Variants in SYNPO2 observed in about 807,000 individuals in gnomAD.
The protein encoded by SYNPO2 is synaptopodin 2.
Under a neutral mutation model 85.0 loss-of-function variants are expected in SYNPO2, and 56 were observed. That is an observed-to-expected ratio of 0.66 (90% CI 0.53 to 0.82). The LOEUF (loss-of-function observed/expected upper bound fraction) is 0.82, where lower values mean the gene tolerates loss of function less well. SYNPO2 is among the 40% of genes least tolerant of loss of function. The pLI, the probability that SYNPO2 is intolerant of heterozygous loss-of-function variation, is 0.00. For synonymous variants in SYNPO2, 602 were observed against 591.1 expected, an observed-to-expected ratio of 1.02 and a Z score of -0.27; for missense variants, 1,575 against 1,534.2, an observed-to-expected ratio of 1.03 and a Z score of -0.44.
chr4:119,049,709 A>T (rs1738976243), intron 4 of SYNPO2, among the ~76,000 whole-genome samples: 1 of 152,210 alleles, frequency 6.6e-6, no homozygotes, highest in Non-Finnish European at 1.5e-5. Flanking sequence ...AAGCTAACTA[A>T]GCTGTTTTAT....
At chr4:118,927,256 TA>T (rs1173949271) in intron 1 of SYNPO2, among the ~76,000 whole-genome samples, 3 of 152,256 alleles carry the variant, frequency 2.0e-5, no homozygotes, top group Non-Finnish European at 4.4e-5. Context: ...TTTTCTGCAT[TA>T]AAAAAATCCA....
At chr4:118,897,267 A>C (rs926673068) in intron 1 of SYNPO2, among the ~76,000 whole-genome samples, 3 of 152,140 alleles carry the variant, frequency 2.0e-5, no homozygotes, top group African/African-American at 7.2e-5. Context: ...TGAGAACAGC[A>C]TGGGGGAAAC....
chr4:119,004,297 A>G (rs1459210581), intron 1 of SYNPO2, among the ~76,000 whole-genome samples: 1 of 152,000 alleles, frequency 6.6e-6, no homozygotes, highest in African/African-American at 2.4e-5. Flanking sequence ...ACATATGTAT[A>G]CATGTGCCAT....
At chr4:118,999,591 G>A (rs1343510328) in intron 1 of SYNPO2, among the ~76,000 whole-genome samples, 1 of 150,844 alleles carries the variant, frequency 6.6e-6, no homozygotes, top group South Asian at 2.1e-4. Flanking sequence ...ATGTATGTAT[G>A]TATGTATGCA....
intron 1 of SYNPO2, among the ~76,000 whole-genome samples, chr4:118,939,415 A>G (rs2149136760): frequency 6.6e-6 from 1 of 152,362 alleles, no homozygotes; most frequent in East Asian, 1.9e-4. Context: ...CGTTGGTGGC[A>G]TCTTCCTAAA....
rs183793337 is a variant in SYNPO2, at chr4:119,038,354, C to T, written c.3252+6327C>T. ...TGAAAACCCATCTCTGAGAAAGAAG[C>T]ATCTGTTTTATTAGTAAAAAAAAAA... On this transcript the variant is annotated intron_variant, in intron 4 of 4. Coordinates refer to ENST00000307142, the MANE Select transcript of SYNPO2 (RefSeq NM_133477.3). The T allele has an allele frequency of 1.2e-3, 1,174 of 964,830 alleles. 1 individual carries two copies. The highest frequency in any genetic ancestry group is 1.4e-3 in the Non-Finnish European group (1,135 of 823,018). The allele number at this position is 964,830 out of a possible 1,614,324, so 59.8% of individuals were successfully genotyped here. A position where few individuals can be genotyped will look rare whatever the true frequency, so the allele number is the denominator to read the frequency against.
chr4:119,022,892 T>C (rs1317357446), intron 1 of SYNPO2, among the ~76,000 whole-genome samples: 1 of 151,942 alleles, frequency 6.6e-6, no homozygotes, highest in African/African-American at 2.4e-5. Context: ...TTCTCCTGCC[T>C]CAGCCTCCTG....
chr4:118,882,810 C>T (rs1276969613), intron 1 of SYNPO2, among the ~76,000 whole-genome samples: 6 of 151,804 alleles, frequency 4.0e-5, no homozygotes, highest in African/African-American at 1.2e-4. Flanking sequence ...CGCTCTGTCG[C>T]CCAGGCTGAA....
chr4:118,858,884 A>G (rs1731558094), intron 1 of SYNPO2, among the ~76,000 whole-genome samples: 1 of 152,222 alleles, frequency 6.6e-6, no homozygotes, highest in Non-Finnish European at 1.5e-5. Context: ...ACTCTTTCTC[A>G]TCCAACCTTT....
intron 1 of SYNPO2, among the ~76,000 whole-genome samples, chr4:118,960,682 T>C (rs1735047744): frequency 1.3e-5 from 2 of 152,080 alleles, no homozygotes; most frequent in Non-Finnish European, 2.9e-5. Flanking sequence ...GCTAGGATAA[T>C]TTTTTAATTT....
chr4:119,024,227 A>G (rs570150387), intron 2 of SYNPO2, among the ~76,000 whole-genome samples: 24 of 152,368 alleles, frequency 1.6e-4, no homozygotes, highest in Non-Finnish European at 2.6e-4. Flanking sequence ...AAAGAAAACA[A>G]TGAGGACAAT....
chr4:118,966,207 G>A (rs1735312608), intron 1 of SYNPO2, among the ~76,000 whole-genome samples: 2 of 152,208 alleles, frequency 1.3e-5, no homozygotes, highest in South Asian at 4.1e-4. Context: ...ATTCATTTGA[G>A]TGGATAGAAA....
At chr4:118,895,841 CTT>C (rs1380262739) in intron 1 of SYNPO2, among the ~76,000 whole-genome samples, 1 of 152,128 alleles carries the variant, frequency 6.6e-6, no homozygotes, top group Admixed American at 6.6e-5. Context: ...TCCAAAATAA[CTT>C]CTCTCTGTCA....
At chr4:118,937,533 A>G (rs1038625942) in intron 1 of SYNPO2, among the ~76,000 whole-genome samples, 1 of 152,214 alleles carries the variant, frequency 6.6e-6, no homozygotes, top group Non-Finnish European at 1.5e-5. Context: ...TGCCTCAGAC[A>G]GTAGACCATA....
chr4:118,948,329 TCAA>T (rs1734575755), intron 1 of SYNPO2, among the ~76,000 whole-genome samples: 2 of 152,166 alleles, frequency 1.3e-5, no homozygotes, highest in South Asian at 4.1e-4. Flanking sequence ...AAGCAGACAC[TCAA>T]CAACCATTTT....
chr4:118,995,892 A>ATCTG (rs1255721192), intron 1 of SYNPO2, among the ~76,000 whole-genome samples: 4 of 150,748 alleles, frequency 2.7e-5, no homozygotes, highest in South Asian at 2.1e-4. Flanking sequence ...CTATCTATCT[A>ATCTG]TCTATCTATC....
At chr4:119,036,910 C>A (rs758523654) in intron 4 of SYNPO2, 2 of 1,189,250 alleles carry the variant, frequency 1.7e-6, no homozygotes, top group Non-Finnish European at 2.1e-6. Context: ...GGTTTGCCAG[C>A]CAATAAAGTG....
At chr4:118,925,825 G>A (rs1165301044) in intron 1 of SYNPO2, among the ~76,000 whole-genome samples, 1 of 146,680 alleles carries the variant, frequency 6.8e-6, no homozygotes, top group Admixed American at 6.8e-5. Flanking sequence ...TGCTCGGTGA[G>A]TTTGGATAAC....
chr4:118,876,622 TTC>T (rs1731912705), intron 1 of SYNPO2, among the ~76,000 whole-genome samples: 1 of 151,038 alleles, frequency 6.6e-6, no homozygotes, highest in Admixed American at 6.6e-5. Context: ...CCTCCTTCTT[TTC>T]TCTTTTCTTT....
Sources: gnomAD v4.1 joint callset for allele counts (sites outside exome capture counted in the v4.1 genomes callset) on GRCh38, gnomAD v4.1.1 for gene constraint, MANE v1.5 for transcripts, NCBI Gene and HGNC (gene_info 2026-07-23, HGNC 2026-07-21) for gene names.